NOL4: variants seen among roughly 807,000 people sequenced by gnomAD.
The protein encoded by NOL4 is nucleolar protein 4, also known as cancer/testis antigen 125.
Under a neutral mutation model 75.9 loss-of-function variants are expected in NOL4, and 17 were observed. The observed-to-expected ratio is 0.22, with a 90% CI of 0.15 to 0.34. The LOEUF (loss-of-function observed/expected upper bound fraction) is 0.34, where lower values mean the gene tolerates loss of function less well. Ranked by LOEUF, NOL4 falls within the 10% of genes least tolerant of loss-of-function variation. The pLI is 1.00. For synonymous variants in NOL4, 292 were observed against 289.9 expected, an observed-to-expected ratio of 1.01 and a Z score of -0.07; for missense variants, 614 against 793.5, an observed-to-expected ratio of 0.77 and a Z score of 2.72.
At chr18:34,198,020 T>G (rs2035459686) in intron 1 of NOL4, among the ~76,000 whole-genome samples, 1 of 151,156 alleles carries the variant, frequency 6.6e-6, no homozygotes, top group African/African-American at 2.4e-5. Context: ...TTTACAAGAG[T>G]CAAGACACCA....
At chr18:34,138,857 A>T (rs151310129) in intron 1 of NOL4, among the ~76,000 whole-genome samples, 15 of 152,238 alleles carry the variant, frequency 9.9e-5, no homozygotes, top group African/African-American at 3.6e-4. Context: ...TCCCATCAAT[A>T]CCTAATTTAT....
chr18:34,205,890 C>T (rs141218293), intron 1 of NOL4, among the ~76,000 whole-genome samples: 2 of 152,272 alleles, frequency 1.3e-5, no homozygotes, highest in Admixed American at 6.5e-5. Context: ...TCTGCTTTCA[C>T]TGAGTTCCAT....
At chr18:34,179,160 G>A (rs544784732) in intron 1 of NOL4, among the ~76,000 whole-genome samples, 26 of 151,416 alleles carry the variant, frequency 1.7e-4, no homozygotes, top group African/African-American at 4.8e-4. Context: ...AAAACACAAC[G>A]TATCAAAACT....
At chr18:34,129,706 G>T (rs2080547129) in intron 2 of NOL4, among the ~76,000 whole-genome samples, 165 bp downstream of exon 2, 1 of 151,812 alleles carries the variant, frequency 6.6e-6, no homozygotes, top group African/African-American at 2.4e-5. Context: ...ATAGACTAGT[G>T]AACATACAAC....
At chr18:33,877,437 T>TAACAAAA (rs1555641396) in intron 10 of NOL4, among the ~76,000 whole-genome samples, 1,390 of 106,176 alleles carry the variant, frequency 0.013, 21 homozygotes, top group African/African-American at 0.046. Flanking sequence ...GACCTTGCCT[T>TAACAAAA]AAAAAAAAAA....
chr18:33,985,665 T>C (rs979909812), intron 6 of NOL4, among the ~76,000 whole-genome samples: 3 of 152,118 alleles, frequency 2.0e-5, no homozygotes, highest in Non-Finnish European at 4.4e-5. Context: ...CCACTAACTG[T>C]CACAATAGGG....
intron 10 of NOL4, among the ~76,000 whole-genome samples, chr18:33,856,780 AC>A (rs2062856673): frequency 6.6e-6 from 1 of 152,122 alleles, no homozygotes; most frequent in Non-Finnish European, 1.5e-5. Flanking sequence ...AGGTACTTAT[AC>A]AAAAAGAGAG....
intron 1 of NOL4, chr18:34,156,975 T>G (rs1326926736): frequency 6.6e-6 from 1 of 152,170 alleles, no homozygotes; most frequent in Non-Finnish European, 1.5e-5. Flanking sequence ...GTCATTTTCT[T>G]GAATACAGGA....
At chr18:33,913,495 C>A (rs537474129) in intron 9 of NOL4, among the ~76,000 whole-genome samples, 2 of 152,218 alleles carry the variant, frequency 1.3e-5, no homozygotes, top group South Asian at 4.1e-4. Flanking sequence ...TGTTCTACTT[C>A]TAGAAAACCA....
chr18:33,871,684 C>CA (rs1165350706), intron 10 of NOL4, among the ~76,000 whole-genome samples: 10 of 152,014 alleles, frequency 6.6e-5, no homozygotes. Flanking sequence ...TGAGTAGGCA[C>CA]ACCACAAAAT....
intron 6 of NOL4, among the ~76,000 whole-genome samples, chr18:34,015,931 A>G (rs1453969278): frequency 6.6e-6 from 1 of 152,122 alleles, no homozygotes; most frequent in Non-Finnish European, 1.5e-5. Flanking sequence ...ACCTTTGTAT[A>G]TTTCCTCAAA....
intron 5 of NOL4, among the ~76,000 whole-genome samples, chr18:34,091,413 T>C (rs2078517736): frequency 6.6e-6 from 1 of 151,380 alleles, no homozygotes; most frequent in African/African-American, 2.4e-5. Context: ...ACAGAAGGAG[T>C]TTGCCCCTCT....
intron 2 of NOL4, among the ~76,000 whole-genome samples, chr18:34,112,582 A>C (rs1476572315): frequency 6.6e-6 from 1 of 152,170 alleles, no homozygotes. Flanking sequence ...GGAGATTATT[A>C]TGGTAAGTGA....
intron 1 of NOL4, among the ~76,000 whole-genome samples, chr18:34,178,040 T>G (rs867301854): frequency 6.6e-6 from 1 of 151,840 alleles, no homozygotes; most frequent in African/African-American, 2.4e-5. Context: ...ACTGCATAAT[T>G]CAATCATTAT....
At chr18:34,079,741 C>A (rs1279301193) in intron 5 of NOL4, among the ~76,000 whole-genome samples, 10 of 152,070 alleles carry the variant, frequency 6.6e-5, no homozygotes, top group Admixed American at 6.6e-4. Flanking sequence ...ATTATGCATT[C>A]TTGTCTCTTC....
chr18:34,163,973 A>G (rs1401939355), intron 1 of NOL4, among the ~76,000 whole-genome samples: 1 of 152,198 alleles, frequency 6.6e-6, no homozygotes, highest in Non-Finnish European at 1.5e-5. Flanking sequence ...CAAACCTGAG[A>G]AAAACAAGCA....
chr18:34,164,894 T>C (rs1162494899), intron 1 of NOL4, among the ~76,000 whole-genome samples: 1 of 151,964 alleles, frequency 6.6e-6, no homozygotes, highest in Admixed American at 6.6e-5. Context: ...ATATACACCA[T>C]GGAATACTAT....
rs2037465592 is a variant in NOL4 at position 34,223,642 on chromosome 18, G to C, written c.-389C>G. On this transcript the variant is annotated 5_prime_UTR_variant, in exon 1 of 11. Transcript: ENST00000261592. ...AAAATCCCAATATTGAATTGGGGTG[G>C]TCCCTAGACGCCTCGCCCCCGGGCT... 1 of 174,382 alleles carries C rather than the reference G, an allele frequency of 5.7e-6. No homozygotes were observed. Among genetic ancestry groups the C allele is most frequent in the South Asian group, 1.4e-4 (1 of 6,898 alleles). The allele number at this position is 174,382 out of a possible 1,614,324, so 10.8% of individuals were successfully genotyped here. A position where few individuals can be genotyped will look rare whatever the true frequency, so the allele number is the denominator to read the frequency against.
At chr18:34,160,014 A>T (rs1374998266) in intron 1 of NOL4, among the ~76,000 whole-genome samples, 1 of 152,120 alleles carries the variant, frequency 6.6e-6, no homozygotes, top group Non-Finnish European at 1.5e-5. Flanking sequence ...AAAATTGCAT[A>T]CAGGAACAGA....
Sources: allele counts gnomAD v4.1 joint callset (sites outside exome capture counted in the v4.1 genomes callset), GRCh38; gene constraint gnomAD v4.1.1; transcripts MANE v1.5; gene names NCBI Gene and HGNC (gene_info 2026-07-23, HGNC 2026-07-21).